TMLHE: variants seen among roughly 807,000 people sequenced by gnomAD.
TMLHE encodes the protein trimethyllysine dioxygenase, mitochondrial.
A neutral mutation model predicts 25.7 loss-of-function variants in TMLHE; 18 were observed. The observed-to-expected ratio is 0.70, with a 90% CI of 0.48 to 1.04. TMLHE has a LOEUF of 1.04. Among genes scored for constraint, TMLHE ranks in the 50% least tolerant of loss-of-function variants. TMLHE has a pLI of 0.00. For synonymous variants in TMLHE, 105 were observed against 97.0 expected (o/e 1.08, Z -0.49); for missense variants, 236 against 259.0 (o/e 0.91, Z 0.61).
intron 2 of TMLHE, among the ~76,000 whole-genome samples, chrX:155,535,084 G>A: frequency 8.9e-6 from 1 of 111,916 alleles, no homozygotes; most frequent in Non-Finnish European, 1.9e-5. Context: ...GTGCCCTGAT[G>A]TTGGATTTTG....
chrX:155,554,607 T>A (rs1478986745), intron 1 of TMLHE, among the ~76,000 whole-genome samples: 2 of 109,911 alleles, frequency 1.8e-5, no homozygotes, highest in Non-Finnish European at 3.8e-5. Context: ...TAGATGAGGG[T>A]TTTTTATTTA....
Position 155,524,578 on chromosome X carries a change from T to C in TMLHE, c.236A>G (p.His79Arg), listed in dbSNP as rs2067207887. The change falls in exon 3 of 8, where the codon CAC (histidine) becomes CGC (arginine). Residue 79 changes from histidine to arginine, a missense_variant. Around this residue, in one of 2 missense-constraint regions of TMLHE, gnomAD observed 217 missense variants for 214.6 expected, o/e 1.01. Coordinates refer to ENST00000334398, the MANE Select transcript of TMLHE (RefSeq NM_018196.4). Reference sequence around the variant, plus strand: ...GTTGTAGCACGATGCTGAGCGGCAGTGGTCTCGAAGCCAGACGTAATCAAA... The same window carrying C: ...GTTGTAGCACGATGCTGAGCGGCAGCGGTCTCGAAGCCAGACGTAATCAAA... ...MRFDYVWLRDHCRSASCYNSK... is the reference protein window; with the variant it reads ...MRFDYVWLRDRCRSASCYNSK... The C allele has an allele frequency of 3.3e-6, 4 of 1,204,423 alleles. No individual in the cohort carries two copies. Among genetic ancestry groups the C allele is most frequent in the Admixed American group, 2.2e-5 (1 of 45,312 alleles).
At chrX:155,568,289 C>T (rs1603068628) in intron 1 of TMLHE, among the ~76,000 whole-genome samples, 1 of 61,529 alleles carries the variant, frequency 1.6e-5, no homozygotes, top group Non-Finnish European at 4.6e-5. Flanking sequence ...GGGGGAGGGG[C>T]GCCCACCATT....
chrX:155,535,516 C>T (rs1161436976), intron 2 of TMLHE, among the ~76,000 whole-genome samples: 1 of 112,051 alleles, frequency 8.9e-6, no homozygotes, highest in Non-Finnish European at 1.9e-5. Context: ...TCAAAGGTTC[C>T]ATCTTCAAGT....
intron 1 of TMLHE, among the ~76,000 whole-genome samples, chrX:155,584,727 A>G (rs2067653667): frequency 9.1e-6 from 1 of 109,857 alleles, no homozygotes; most frequent in African/African-American, 3.3e-5. Context: ...ATGTCCTGAA[A>G]GAAAAAAAAA....
At chrX:155,577,341 G>A (rs2067597040) in intron 1 of TMLHE, among the ~76,000 whole-genome samples, 1 of 111,431 alleles carries the variant, frequency 9.0e-6, no homozygotes, top group African/African-American at 3.3e-5. Context: ...CTTTTGGGAG[G>A]CCAAGGCGGG....
intron 3 of TMLHE, among the ~76,000 whole-genome samples, chrX:155,522,563 G>A (rs1201161338): frequency 2.7e-5 from 3 of 111,679 alleles, no homozygotes; most frequent in Non-Finnish European, 5.7e-5. Flanking sequence ...TCCTACCCCC[G>A]AATCCCTAAC....
At chrX:155,578,233 G>A (rs1557344060) in intron 1 of TMLHE, among the ~76,000 whole-genome samples, 2 of 111,877 alleles carry the variant, frequency 1.8e-5, no homozygotes. Context: ...GGCCCACAGT[G>A]CAGCCACCAC....
At chrX:155,582,328 C>G (rs1463987194) in intron 1 of TMLHE, among the ~76,000 whole-genome samples, 9 of 111,971 alleles carry the variant, frequency 8.0e-5, no homozygotes. Flanking sequence ...ACAAATGGAT[C>G]TAATTAAACT....
At chrX:155,511,881 C>T in intron 4 of TMLHE, 89 bp from the exon 5 acceptor site, 1 of 962,220 alleles carries the variant, frequency 1.0e-6, no homozygotes. Flanking sequence ...TCTTTAGTTA[C>T]TCACAAATAA....
chrX:155,524,704 C>A (rs1377934892), intron 2 of TMLHE, 72 bp from the exon 3 acceptor site: 1 of 1,016,473 alleles, frequency 9.8e-7, no homozygotes, highest in Non-Finnish European at 1.3e-6. Context: ...CAGAAAACTT[C>A]CTTCTAAAAG....
chrX:155,568,684 C>T lies in TMLHE; in HGVS notation c.-1-23407G>A, dbSNP rs1176436578. 7.2e-4 allele frequency among the ~76,000 whole-genome samples: 44 copies of T among 61,504 alleles called. 8 individuals carry two copies. The highest frequency in any genetic ancestry group is 6.3e-3 in the Admixed American group (33 of 5,256). 53.4% of individuals were successfully genotyped at this position (61,504 alleles called of 115,157 possible). On this transcript the variant is annotated intron_variant, in intron 1 of 7. Transcript: ENST00000334398. Reference sequence around the variant, plus strand: ...GCAGCATTCGCGGTTCATGAAAATCCGCTGTTCTGCAGACACCGCTGCTGA... The same window carrying T: ...GCAGCATTCGCGGTTCATGAAAATCTGCTGTTCTGCAGACACCGCTGCTGA...
intron 3 of TMLHE, among the ~76,000 whole-genome samples, chrX:155,522,113 G>A (rs896836083): frequency 5.4e-5 from 6 of 112,046 alleles, no homozygotes; most frequent in Admixed American, 1.9e-4. Context: ...TTTAGTCTTC[G>A]GCATACATTT....
chrX:155,514,538 G>C (rs1252126718), intron 3 of TMLHE, among the ~76,000 whole-genome samples: 3 of 110,780 alleles, frequency 2.7e-5, no homozygotes, highest in Non-Finnish European at 5.7e-5. Flanking sequence ...AAGATCTTCT[G>C]GAAAATTCAT....
Position 155,524,542 on chromosome X carries a change from T to C in TMLHE, c.272A>G (p.His91Arg), listed in dbSNP as rs781981527. The change falls in exon 3 of 8, where the codon CAC (histidine) becomes CGC (arginine). Residue 91 changes from histidine to arginine, a missense_variant. His to Arg is a conservative substitution (Grantham distance 29, BLOSUM62 0). Around this residue, in one of 2 missense-constraint regions of TMLHE, gnomAD observed 217 missense variants for 214.6 expected, o/e 1.01. Coordinates refer to ENST00000334398, the MANE Select transcript of TMLHE (RefSeq NM_018196.4). ...RSASCYNSKTHQRSLDTASVD... is the reference protein window; with the variant it reads ...RSASCYNSKTRQRSLDTASVD... ...ACTGGCAGTATCCAGGCTGCGCTGG[T>C]GAGTCTTAGAGTTGTAGCACGATGC... is the stretch of plus-strand genomic sequence containing the variant. The C allele has an allele frequency of 6.6e-6, 8 of 1,208,050 alleles. No homozygotes were observed. The highest frequency in any genetic ancestry group is 8.9e-6 in the Non-Finnish European group (8 of 894,222).
chrX:155,579,953 CAAA>C (rs781816890), intron 1 of TMLHE, among the ~76,000 whole-genome samples: 1 of 91,368 alleles, frequency 1.1e-5, no homozygotes. Flanking sequence ...TCGCAAGCAA[CAAA>C]AAAAAAAAAA....
At chrX:155,527,340 G>A (rs1557336597) in intron 2 of TMLHE, among the ~76,000 whole-genome samples, 1 of 111,639 alleles carries the variant, frequency 9.0e-6, no homozygotes, top group Admixed American at 9.5e-5. Flanking sequence ...TCTCCACCAT[G>A]GTAAGACATG....
intron 2 of TMLHE, among the ~76,000 whole-genome samples, chrX:155,544,440 C>G (rs2067331077): frequency 9.0e-6 from 1 of 111,682 alleles, no homozygotes; most frequent in African/African-American, 3.3e-5. Context: ...CTGGCACAAG[C>G]AAAGTAAAGC....
At chrX:155,578,189 G>A (rs1459265878) in intron 1 of TMLHE, among the ~76,000 whole-genome samples, 1 of 111,745 alleles carries the variant, frequency 8.9e-6, no homozygotes, top group Admixed American at 9.4e-5. Context: ...TTGCACTGCT[G>A]ACAATGACAA....
Sources: allele counts gnomAD v4.1 joint callset (sites outside exome capture counted in the v4.1 genomes callset), GRCh38; gene constraint gnomAD v4.1.1; regional missense constraint gnomAD v4.1.1; transcripts MANE v1.5; gene names NCBI Gene and HGNC (gene_info 2026-07-23, HGNC 2026-07-21).